The following YY1 variants were observed in gnomAD, a reference collection of about 807,000 sequenced individuals.
YY1 encodes the protein transcriptional repressor protein YY1.
Under a neutral mutation model 35.6 loss-of-function variants are expected in YY1, and 2 were observed. That is an observed-to-expected ratio of 0.06 (90% confidence interval 0.02 to 0.18). The LOEUF is 0.18. Ranked by LOEUF, YY1 falls within the 10% of genes least tolerant of loss-of-function variation. YY1 has a pLI of 1.00. For missense variants in YY1, 322 were observed against 573.4 expected, an observed-to-expected ratio of 0.56 and a Z score of 4.48; for synonymous variants, 268 against 238.9, an observed-to-expected ratio of 1.12 and a Z score of -1.12.
intron 1 of YY1, among the ~76,000 whole-genome samples, chr14:100,247,092 T>C (rs1890844667): frequency 6.6e-6 from 1 of 152,240 alleles, no homozygotes; most frequent in Non-Finnish European, 1.5e-5. Context: ...GTTAGTATTT[T>C]ATAGGCTTTT....
chr14:100,244,368 C>T (rs1386136101), intron 1 of YY1, among the ~76,000 whole-genome samples: 1 of 126,494 alleles, frequency 7.9e-6, no homozygotes, highest in African/African-American at 3.0e-5. Context: ...ACTCTGGCAC[C>T]CAGGTTTGAG....
In YY1 at chr14:100,276,436, A is replaced by G; in HGVS notation, c.904-54A>G. The G allele has an allele frequency of 6.2e-7, 1 of 1,613,354 alleles. No homozygotes were observed. Among genetic ancestry groups the G allele is most frequent in the Non-Finnish European group, 8.5e-7 (1 of 1,179,404 alleles). On this transcript the variant is annotated intron_variant, in intron 3 of 4. Coordinates refer to ENST00000262238, the MANE Select transcript of YY1 (RefSeq NM_003403.5). The surrounding 1 kb of genome is among the most constrained non-coding windows in gnomAD (Gnocchi z 4.1). Reference sequence around the variant, plus strand: ...TCAGTAAAGGCTGTTAAATGGTTGAATCCTTTCTAACAGTTTGCAATGTGA... The same window carrying G: ...TCAGTAAAGGCTGTTAAATGGTTGAGTCCTTTCTAACAGTTTGCAATGTGA...
intron 1 of YY1, among the ~76,000 whole-genome samples, chr14:100,240,749 C>T (rs1890725502): frequency 6.6e-6 from 1 of 152,166 alleles, no homozygotes; most frequent in African/African-American, 2.4e-5. Context: ...TGGAAAGGGC[C>T]TGTGAATGTT....
At chr14:100,244,510 T>C (rs1890801384) in intron 1 of YY1, among the ~76,000 whole-genome samples, 1 of 151,494 alleles carries the variant, frequency 6.6e-6, no homozygotes, top group African/African-American at 2.4e-5. Flanking sequence ...CTTGAACTCC[T>C]GATCTCAGGT....
chr14:100,267,334 A>G (rs1027959763), intron 2 of YY1, among the ~76,000 whole-genome samples: 1 of 152,224 alleles, frequency 6.6e-6, no homozygotes, highest in Non-Finnish European at 1.5e-5. Context: ...TGAGCCCCAC[A>G]GTAAATAATA....
chr14:100,275,312 GAGAACAA>G (rs2139603078), intron 3 of YY1, among the ~76,000 whole-genome samples: 1 of 152,306 alleles, frequency 6.6e-6, no homozygotes, highest in South Asian at 2.1e-4. Flanking sequence ...CATAGGTACA[GAGAACAA>G]AGTAGGAGAG....
At chr14:100,240,855 C>T (rs563914426) in intron 1 of YY1, among the ~76,000 whole-genome samples, 7 of 152,088 alleles carry the variant, frequency 4.6e-5, no homozygotes, top group East Asian at 1.9e-4. Context: ...GTTTACTCAA[C>T]TGTGGACATT....
At chr14:100,273,683 A>G (rs1341324757) in intron 2 of YY1, among the ~76,000 whole-genome samples, 1 of 152,124 alleles carries the variant, frequency 6.6e-6, no homozygotes, top group Non-Finnish European at 1.5e-5. Flanking sequence ...TATTTATTAA[A>G]TATGAACCAT....
intron 2 of YY1, among the ~76,000 whole-genome samples, chr14:100,269,047 T>C (rs1301967717): frequency 2.0e-5 from 3 of 152,168 alleles, no homozygotes; most frequent in Admixed American, 6.5e-5. Flanking sequence ...CGGGCAGTCA[T>C]GTCATTGGGA....
chr14:100,261,744 A>T (rs1891089008), intron 1 of YY1, among the ~76,000 whole-genome samples: 1 of 152,164 alleles, frequency 6.6e-6, no homozygotes, highest in Non-Finnish European at 1.5e-5. Context: ...AAGAGGGAGG[A>T]GGCTGGAGAG....
chr14:100,273,212 A>G (rs565874334), intron 2 of YY1, among the ~76,000 whole-genome samples: 6 of 151,982 alleles, frequency 3.9e-5, no homozygotes, highest in African/African-American at 1.4e-4. Flanking sequence ...TGATCCATCT[A>G]CCTCGGCCTC....
chr14:100,275,435 C>CT (rs1232676962), intron 3 of YY1, among the ~76,000 whole-genome samples: 1 of 152,122 alleles, frequency 6.6e-6, no homozygotes, highest in Non-Finnish European at 1.5e-5. Context: ...CCTTCCTGTT[C>CT]TTTGTCAGCG....
At chr14:100,253,135 C>A (rs1333090811) in intron 1 of YY1, among the ~76,000 whole-genome samples, 1 of 152,188 alleles carries the variant, frequency 6.6e-6, no homozygotes, top group Non-Finnish European at 1.5e-5. Context: ...AAGGGAAACT[C>A]CAGCAGGGAA....
chr14:100,252,796 G>C (rs575965485), intron 1 of YY1, among the ~76,000 whole-genome samples: 1 of 152,272 alleles, frequency 6.6e-6, no homozygotes, highest in African/African-American at 2.4e-5. Flanking sequence ...CCAGGGATTT[G>C]GGAGGCCAAG....
At position 100,276,013 on chromosome 14, in the gene YY1, G is replaced by T. The variant is rs968771272; in HGVS notation, c.904-477G>T. The T allele has an allele frequency of 3.9e-5, 7 of 181,162 alleles. No homozygotes were observed. The East Asian group carries it at 1.0e-3, about 26-fold the overall frequency. 11.2% of individuals were successfully genotyped at this position (181,162 alleles called of 1,614,324 possible). On this transcript the variant is annotated intron_variant, in intron 3 of 4. Coordinates refer to ENST00000262238, the MANE Select transcript of YY1 (RefSeq NM_003403.5). This position sits in a 1 kb window ranked among gnomAD's most constrained non-coding sequence, Gnocchi z 4.1. ...GGGAAAGAGGCAAAGAGAGAAGAGGGAACAGTAGGCGATGGAGAATGACAG... is the reference window on the plus strand; with the variant it reads ...GGGAAAGAGGCAAAGAGAGAAGAGGTAACAGTAGGCGATGGAGAATGACAG...
rs547543659 is a variant in YY1 at position 100,239,213 on chromosome 14, C to T, written c.-32C>T. On this transcript the variant is annotated 5_prime_UTR_variant, in exon 1 of 5. Transcript: ENST00000262238. ...CCCGCCCGCAGCCGAGGAGCCGAGG[C>T]CGCCGCGGCCGTGGCGGCGGAGCCC... is the stretch of plus-strand genomic sequence containing the variant. The T allele has an allele frequency of 2.5e-3, 3,591 of 1,455,558 alleles. 14 individuals carry two copies. Among genetic ancestry groups the T allele is most frequent in the Non-Finnish European group, 3.0e-3 (3,300 of 1,109,598 alleles). 90.2% of individuals were successfully genotyped at this position (1,455,558 alleles called of 1,614,324 possible). A position where few individuals can be genotyped will look rare whatever the true frequency, so the allele number is the denominator to read the frequency against.
At position 100,279,607 on chromosome 14, in the gene YY1, G is replaced by A. The variant is rs1891382012; in HGVS notation, c.*2007G>A. The A allele has an allele frequency of 6.6e-6, 1 of 152,264 alleles. No individual in the cohort carries two copies. The highest frequency in any genetic ancestry group is 1.5e-5 in the Non-Finnish European group (1 of 68,054). The allele number at this position is 152,264 out of a possible 1,614,324, so 9.4% of individuals were successfully genotyped here. A position where few individuals can be genotyped will look rare whatever the true frequency, so the allele number is the denominator to read the frequency against. Reference sequence around the variant, plus strand: ...GGAGAGAGGTCAGCCCATGGTGGAGGTCTTCAGTGCCGAGGGCTCGGATGA... The same window carrying A: ...GGAGAGAGGTCAGCCCATGGTGGAGATCTTCAGTGCCGAGGGCTCGGATGA... On this transcript the variant is annotated 3_prime_UTR_variant, in exon 5 of 5. Coordinates refer to ENST00000262238, the MANE Select transcript of YY1 (RefSeq NM_003403.5).
Position 100,277,690 on chromosome 14 carries a change from C to T in YY1, c.*90C>T. 7.2e-7 allele frequency: 1 copy of T among 1,395,718 alleles called. No individual in the cohort carries two copies. Among genetic ancestry groups the T allele is most frequent in the Non-Finnish European group, 9.9e-7 (1 of 1,005,138 alleles). 86.5% of individuals were successfully genotyped at this position (1,395,718 alleles called of 1,614,324 possible). The stretch of plus-strand genomic sequence containing the variant: ...TATGCCTCTCCTTTGTATATTATTT[C>T]TAGGAAGAATTTTAAAAATGAATCC... On this transcript the variant is annotated 3_prime_UTR_variant, in exon 5 of 5. Coordinates refer to ENST00000262238, the MANE Select transcript of YY1 (RefSeq NM_003403.5). This position sits in a 1 kb window ranked among gnomAD's most constrained non-coding sequence, Gnocchi z 5.6.
At position 100,276,376 on chromosome 14, in the gene YY1, A is replaced by T; in HGVS notation, c.904-114A>T. The T allele has an allele frequency of 7.1e-7, 1 of 1,414,718 alleles. No homozygotes were observed. Among genetic ancestry groups the T allele is most frequent in the Non-Finnish European group, 9.9e-7 (1 of 1,013,210 alleles). The allele number at this position is 1,414,718 out of a possible 1,614,324, so 87.6% of individuals were successfully genotyped here. On this transcript the variant is annotated intron_variant, in intron 3 of 4. Transcript: ENST00000262238. This position sits in a 1 kb window ranked among gnomAD's most constrained non-coding sequence, Gnocchi z 4.1. ...TACCGTAATACTAAGTAAAATTAAA[A>T]TGGGGGGTTGGGGAGGTGGTTTTGT...
Sources: gnomAD v4.1 joint callset for allele counts (sites outside exome capture counted in the v4.1 genomes callset) on GRCh38, gnomAD v4.1.1 for gene constraint, Gnocchi (gnomAD v3.1) non-coding constraint, MANE v1.5 for transcripts, NCBI Gene and HGNC (gene_info 2026-07-23, HGNC 2026-07-21) for gene names.